EPHA6: variants seen among roughly 807,000 people sequenced by gnomAD.
EPHA6 encodes EPH receptor A6.
Under a neutral mutation model 112.0 loss-of-function variants are expected in EPHA6, and 50 were observed. That is an observed-to-expected ratio of 0.45 (90% CI 0.36 to 0.56). The LOEUF is 0.56. Among genes scored for constraint, EPHA6 ranks in the 20% least tolerant of loss-of-function variants. The probability of loss-of-function intolerance (pLI) is 0.00; values close to 1 mark genes in which losing one functional copy is unlikely to be tolerated. For synonymous variants in EPHA6, 529 were observed against 490.7 expected, an observed-to-expected ratio of 1.08 and a Z score of -1.03; for missense variants, 1,280 against 1,417.4, an observed-to-expected ratio of 0.90 and a Z score of 1.56.
intron 2 of EPHA6, among the ~76,000 whole-genome samples, chr3:96,948,084 C>T (rs72916462): frequency 0.044 from 6,690 of 152,034 alleles, 473 homozygotes; most frequent in African/African-American, 0.14. Flanking sequence ...AAAATGGTAT[C>T]CTGTACGTAT....
chr3:96,975,002 T>G (rs939046423), intron 2 of EPHA6, among the ~76,000 whole-genome samples: 5 of 152,052 alleles, frequency 3.3e-5, no homozygotes, highest in African/African-American at 2.4e-5. Flanking sequence ...TTTGGTCAGG[T>G]GGTAGAAGAC....
intron 14 of EPHA6, among the ~76,000 whole-genome samples, chr3:97,655,968 T>C (rs2094135849): frequency 4.6e-5 from 7 of 151,824 alleles, no homozygotes. Context: ...CAAACACACC[T>C]CAAAATGTTT....
At chr3:97,002,287 A>C (rs1472597477) in intron 3 of EPHA6, among the ~76,000 whole-genome samples, 1 of 151,558 alleles carries the variant, frequency 6.6e-6, no homozygotes, top group Non-Finnish European at 1.5e-5. Context: ...ATAGATTGCT[A>C]TTATGAACTA....
chr3:97,523,164 A>G (rs1428700014), intron 10 of EPHA6, among the ~76,000 whole-genome samples: 2 of 152,006 alleles, frequency 1.3e-5, no homozygotes, highest in African/African-American at 4.8e-5. Flanking sequence ...GCAGGCATTT[A>G]TTGCTATAAA....
chr3:96,879,158 A>G (rs2037152666), intron 2 of EPHA6, among the ~76,000 whole-genome samples: 1 of 152,100 alleles, frequency 6.6e-6, no homozygotes, highest in Non-Finnish European at 1.5e-5. Flanking sequence ...TTCAGAGGGA[A>G]ACTATGAATG....
intron 3 of EPHA6, among the ~76,000 whole-genome samples, chr3:97,190,863 A>G (rs995589658): frequency 6.6e-6 from 1 of 152,070 alleles, no homozygotes; most frequent in African/African-American, 2.4e-5. Context: ...AACTTAAAGT[A>G]TAATAAAAAA....
chr3:97,031,626 A>C (rs1199658371), intron 3 of EPHA6, among the ~76,000 whole-genome samples: 1 of 152,198 alleles, frequency 6.6e-6, no homozygotes, highest in African/African-American at 2.4e-5. Context: ...CCCATCAAAA[A>C]GTGGGCAAAG....
At chr3:97,659,485 A>G (rs939772921) in intron 14 of EPHA6, among the ~76,000 whole-genome samples, 5 of 151,996 alleles carry the variant, frequency 3.3e-5, no homozygotes, top group Admixed American at 1.3e-4. Flanking sequence ...GCAAGGTGTG[A>G]GGCAGTGAGA....
At chr3:97,432,369 T>G (rs2089563241) in intron 6 of EPHA6, among the ~76,000 whole-genome samples, 1 of 152,138 alleles carries the variant, frequency 6.6e-6, no homozygotes, top group South Asian at 2.1e-4. Context: ...ATTCTAACAT[T>G]TAATGAGGAT....
At chr3:97,156,898 A>G (rs914120396) in intron 3 of EPHA6, among the ~76,000 whole-genome samples, 4 of 152,022 alleles carry the variant, frequency 2.6e-5, no homozygotes, top group Non-Finnish European at 5.9e-5. Context: ...AAAGGTGAAG[A>G]ATTTATATTA....
chr3:97,437,803 C>T lies in EPHA6; in HGVS notation c.1732-10765C>T, dbSNP rs917038180. 4.0e-5 allele frequency among the ~76,000 whole-genome samples: 6 copies of T among 151,892 alleles called. No individual in the cohort carries two copies. The South Asian group carries it at 1.0e-3, about 26-fold the overall frequency. On this transcript the variant is annotated intron_variant, in intron 6 of 17. Coordinates refer to ENST00000389672, the MANE Select transcript of EPHA6 (RefSeq NM_001080448.3). ...AGGTGTGAGCCACCACACCCAGCCT[C>T]AAATTTTCTTATAATAAATATATTT...
intron 10 of EPHA6, among the ~76,000 whole-genome samples, chr3:97,519,452 G>A (rs1199663115): frequency 6.6e-6 from 1 of 152,114 alleles, no homozygotes; most frequent in Non-Finnish European, 1.5e-5. Context: ...GCTCAGGATT[G>A]CTTTGGCTAT....
intron 12 of EPHA6, 42 bp from the exon 13 acceptor site, chr3:97,610,751 G>C (rs1383972676): frequency 6.6e-7 from 1 of 1,507,024 alleles, no homozygotes; most frequent in South Asian, 1.1e-5. Context: ...ACATATTTCT[G>C]TAATTGCTCT....
intron 10 of EPHA6, among the ~76,000 whole-genome samples, chr3:97,496,252 G>A (rs1577576226): frequency 6.6e-6 from 1 of 152,164 alleles, no homozygotes. Flanking sequence ...ATCTTTGTCC[G>A]TGGTTTCCTC....
At chr3:96,970,782 CAT>C (rs751016643) in intron 2 of EPHA6, among the ~76,000 whole-genome samples, 37 of 152,074 alleles carry the variant, frequency 2.4e-4, no homozygotes, top group Middle Eastern at 3.2e-3. Flanking sequence ...TAACTTTTCA[CAT>C]ACTTTTGGTG....
chr3:97,152,414 CTAA>C (rs2076190976), intron 3 of EPHA6, among the ~76,000 whole-genome samples: 2 of 149,094 alleles, frequency 1.3e-5, no homozygotes, highest in African/African-American at 2.4e-5. Context: ...CAAGTATAAA[CTAA>C]TATTATTATT....
At chr3:96,944,535 A>G (rs2041149328) in intron 2 of EPHA6, among the ~76,000 whole-genome samples, 1 of 152,168 alleles carries the variant, frequency 6.6e-6, no homozygotes, top group African/African-American at 2.4e-5. Flanking sequence ...GCTGGCATGT[A>G]TATCAGGCAT....
intron 7 of EPHA6, among the ~76,000 whole-genome samples, chr3:97,453,368 A>G (rs2090586580): frequency 1.3e-5 from 2 of 151,866 alleles, no homozygotes; most frequent in Admixed American, 1.3e-4. Context: ...TTGCCAACAT[A>G]TAAGCAATGC....
intron 14 of EPHA6, among the ~76,000 whole-genome samples, chr3:97,716,147 G>T (rs1346239208): frequency 1.3e-5 from 2 of 152,090 alleles, no homozygotes; most frequent in African/African-American, 4.8e-5. Flanking sequence ...ACATCTGGTG[G>T]TTAATGCTTT....
Sources: gnomAD v4.1 joint callset for allele counts (sites outside exome capture counted in the v4.1 genomes callset) on GRCh38, gnomAD v4.1.1 for gene constraint, MANE v1.5 for transcripts, NCBI Gene and HGNC (gene_info 2026-07-23, HGNC 2026-07-21) for gene names.